S100A12: variants seen among roughly 807,000 people sequenced by gnomAD.
The protein encoded by S100A12 is protein S100-A12.
In S100A12, 3 loss-of-function variants were observed where a neutral mutation model predicts 4.0. The observed-to-expected ratio is 0.75, with a 90% CI of 0.34 to 1.94. The LOEUF (loss-of-function observed/expected upper bound fraction) is 1.94, where lower values mean the gene tolerates loss of function less well. S100A12 is among the 30% of genes most tolerant of loss of function. S100A12 has a pLI of 0.07. For synonymous variants in S100A12, 50 were observed against 41.4 expected, an observed-to-expected ratio of 1.21 and a Z score of -0.79; for missense variants, 122 against 107.0, an observed-to-expected ratio of 1.14 and a Z score of -0.62.
chr1:153,374,651 C>G, intron 1 of S100A12, 39 bp from the exon 2 acceptor site: 2 of 1,457,304 alleles, frequency 1.4e-6, no homozygotes, highest in Non-Finnish European at 1.9e-6. Flanking sequence ...CAGTTTCTCC[C>G]CCACCCCTCA....
intron 2 of S100A12, 150 bp downstream of exon 2, chr1:153,374,305 T>A: frequency 1.4e-6 from 1 of 702,084 alleles, no homozygotes; most frequent in Non-Finnish European, 2.4e-6. Context: ...GCAAAGGACC[T>A]CTCCCACAGC....
Position 153,373,823 on chromosome 1 carries a change from C to CTACCTA in S100A12, c.277_*3dup. 6.2e-7 allele frequency: 1 copy of CTACCTA among 1,613,206 alleles called. No homozygotes were observed. Among genetic ancestry groups the CTACCTA allele is most frequent in the South Asian group, 1.1e-5 (1 of 91,042 alleles). ...TGCTGGGTAAAAAGCCTTCAGAGAG[C>CTACCTA]TACCTACTCTTTGTGGGTGTGGTAA... is the stretch of plus-strand genomic sequence containing the variant. On this transcript the variant is annotated 3_prime_UTR_variant, in exon 3 of 3. Coordinates refer to ENST00000368737, the MANE Select transcript of S100A12 (RefSeq NM_005621.2).
intron 1 of S100A12, among the ~76,000 whole-genome samples, chr1:153,375,062 T>C (rs1052804358): frequency 2.6e-4 from 39 of 152,248 alleles, no homozygotes; most frequent in African/African-American, 9.4e-4. Flanking sequence ...TTTGTTTGTT[T>C]TTGAGACGGA....
At chr1:153,374,159 G>T in intron 2 of S100A12, 192 bp from the exon 3 acceptor site, 1 of 717,168 alleles carries the variant, frequency 1.4e-6, no homozygotes, top group Non-Finnish European at 2.5e-6. Flanking sequence ...AATTAACAAG[G>T]CTTGACCTGG....
In S100A12 at chr1:153,373,934, A is replaced by G. The variant is rs749150626; in HGVS notation, c.172T>C (p.Phe58Leu). ...IKDKAVIDEIFQGLDANQDEQ... is the reference protein window; with the variant it reads ...IKDKAVIDEILQGLDANQDEQ... ...TCTTGATTAGCATCCAGGCCTTGGA[A>G]TATTTCATCAATGACAGCTTTATCT... The change falls in exon 3 of 3, where the codon TTC (phenylalanine) becomes CTC (leucine). Residue 58 changes from phenylalanine (F) to leucine (L), a missense_variant. Physicochemically the swap from Phe to Leu is conservative, Grantham distance 22 (BLOSUM62 0). Transcript: ENST00000368737. The G allele has an allele frequency of 6.2e-7, 1 of 1,613,654 alleles. No individual in the cohort carries two copies. Among genetic ancestry groups the G allele is most frequent in the East Asian group, 2.2e-5 (1 of 44,886 alleles).
chr1:153,374,582 A>G lies in S100A12; in HGVS notation c.11T>C (p.Leu4Pro). MTKLEEHLEGIVNI... is the reference protein window; with the variant it reads MTKPEEHLEGIVNI... ...GACAATTCCCTCCAGATGCTCTTCA[A>G]GTTTTGTCATCTTCCCAGCCTAATG... The change falls in exon 2 of 3, where the codon CTT becomes CCT. Residue 4 changes from leucine (L) to proline (P), a missense_variant. Transcript: ENST00000368737. 1 of 1,613,772 alleles carries G rather than the reference A, an allele frequency of 6.2e-7. No homozygotes were observed. Among genetic ancestry groups the G allele is most frequent in the South Asian group, 1.1e-5 (1 of 91,054 alleles).
intron 2 of S100A12, 124 bp downstream of exon 2, chr1:153,374,331 C>T (rs1319824517): frequency 1.3e-5 from 12 of 896,724 alleles, no homozygotes; most frequent in Non-Finnish European, 1.9e-5. Context: ...GGAGAGCATC[C>T]TTTGGGAGCT....
rs1661717636 is a variant in S100A12 at position 153,375,589 on chromosome 1, C to G, written c.-58G>C. On this transcript the variant is annotated 5_prime_UTR_variant, in exon 1 of 3. Transcript: ENST00000368737. ...AGGAATGTGGAGCTACAGCAAAAAG[C>G]CAGCAGTGGTGAAGGGCACTGAGCC... The G allele has an allele frequency of 2.0e-5, 3 of 152,366 alleles. No homozygotes were observed. The South Asian group carries it at 6.2e-4, about 32-fold the overall frequency. 9.4% of individuals were successfully genotyped at this position (152,366 alleles called of 1,614,324 possible).
chr1:153,374,363 C>T, intron 2 of S100A12, 92 bp downstream of exon 2: 2 of 1,354,070 alleles, frequency 1.5e-6, no homozygotes, highest in Non-Finnish European at 2.0e-6. Flanking sequence ...CAACCCCACC[C>T]CAGTCCTTGT....
chr1:153,374,049 C>T lies in S100A12; in HGVS notation c.139-82G>A, dbSNP rs2233864. 3.6e-5 allele frequency: 50 copies of T among 1,377,426 alleles called. No homozygotes were observed. The East Asian group carries it at 1.1e-3, about 29-fold the overall frequency. 85.3% of individuals were successfully genotyped at this position (1,377,426 alleles called of 1,614,324 possible). ...CTTAGGCCTCTTATCCCTCAGAGCTCGGGTTGTGAAGGCCCAGGCACATTA... is the reference window on the plus strand; with the variant it reads ...CTTAGGCCTCTTATCCCTCAGAGCTTGGGTTGTGAAGGCCCAGGCACATTA... On this transcript the variant is annotated intron_variant, in intron 2 of 2. Coordinates refer to ENST00000368737, the MANE Select transcript of S100A12 (RefSeq NM_005621.2).
intron 2 of S100A12, 77 bp from the exon 3 acceptor site, chr1:153,374,044 G>C (rs757071184): frequency 1.4e-6 from 2 of 1,414,710 alleles, no homozygotes; most frequent in Non-Finnish European, 2.0e-6. Context: ...TTATCCCTCA[G>C]AGCTCGGGTT....
chr1:153,373,856 C>G lies in S100A12; in HGVS notation c.250G>C (p.Ala84Pro), dbSNP rs777435565. 2.5e-6 allele frequency: 4 copies of G among 1,613,892 alleles called. No homozygotes were observed. The highest frequency in any genetic ancestry group is 2.2e-5 in the East Asian group (1 of 44,888). ...TCTTTGTGGGTGTGGTAATGGGCAG[C>G]CTTCAGCGCAATGGCTACCAGGGAT... is the stretch of plus-strand genomic sequence containing the variant. Reference protein sequence around the residue: ...FISLVAIALKAAHYHTHKE With the variant: ...FISLVAIALKPAHYHTHKE Residue 84 changes from alanine (A) to proline (P), a missense_variant, in exon 3 of 3, where the codon GCT (alanine) becomes CCT (proline). Transcript: ENST00000368737.
intron 1 of S100A12, among the ~76,000 whole-genome samples, chr1:153,374,949 G>A (rs1661694871): frequency 6.6e-6 from 1 of 152,188 alleles, no homozygotes; most frequent in Non-Finnish European, 1.5e-5. Flanking sequence ...CTTTCCTCAG[G>A]TGATGGCACT....
At chr1:153,374,282 T>G (rs1412110943) in intron 2 of S100A12, among the ~76,000 whole-genome samples, 173 bp downstream of exon 2, 1 of 152,054 alleles carries the variant, frequency 6.6e-6, no homozygotes, top group Non-Finnish European at 1.5e-5. Context: ...AAGTGAGTTA[T>G]TGAGAGAGGG....
chr1:153,374,472 G>C lies in S100A12; in HGVS notation c.121C>G (p.Leu41Val). Residue 41 changes from leucine to valine, a missense_variant, in exon 2 of 3, where the codon CTT becomes GTT. Leu to Val is a conservative substitution (Grantham distance 32, BLOSUM62 1). Transcript: ENST00000368737. ...TCACCTACCTTGATGGTGTTTGCAA[G>C]CTCCTTTGTAAGCAGCTGCTTCAGC... The part of the protein sequence containing the change: ...GELKQLLTKE[L>V]ANTIKNIKDK... 6.2e-7 allele frequency: 1 copy of C among 1,613,840 alleles called. No individual in the cohort carries two copies. The highest frequency in any genetic ancestry group is 1.3e-5 in the African/African-American group (1 of 75,044).
At position 153,374,070 on chromosome 1, in the gene S100A12, C is replaced by T. The variant is rs1184749639; in HGVS notation, c.139-103G>A. On this transcript the variant is annotated intron_variant, in intron 2 of 2. Coordinates refer to ENST00000368737, the MANE Select transcript of S100A12 (RefSeq NM_005621.2). ...AGCTCGGGTTGTGAAGGCCCAGGCA[C>T]ATTAACTCATTAGCCAACACTGTGT... 4 of 1,018,274 alleles carry T rather than the reference C, an allele frequency of 3.9e-6. No individual in the cohort carries two copies. In the African/African-American group the frequency reaches 4.7e-5, roughly 12 times the overall value. 63.1% of individuals were successfully genotyped at this position (1,018,274 alleles called of 1,614,324 possible). A position where few individuals can be genotyped will look rare whatever the true frequency, so the allele number is the denominator to read the frequency against.
In S100A12 at chr1:153,374,610, A is replaced by C. The variant is rs1314631173; in HGVS notation, c.-18T>G. ...TTTGTCATCTTCCCAGCCTAATGTT[A>C]ACCTTCAAGGAAACAAGGGAAGTCT... On this transcript the variant is annotated splice_region_variant and 5_prime_UTR_variant, in exon 2 of 3. Coordinates refer to ENST00000368737, the MANE Select transcript of S100A12 (RefSeq NM_005621.2). The C allele has an allele frequency of 6.2e-7, 1 of 1,610,450 alleles. No individual in the cohort carries two copies. The highest frequency in any genetic ancestry group is 1.3e-5 in the African/African-American group (1 of 74,938).
intron 1 of S100A12, 100 bp downstream of exon 1, chr1:153,375,452 G>A (rs1661713547): frequency 6.6e-6 from 1 of 152,310 alleles, no homozygotes; most frequent in Non-Finnish European, 1.5e-5. Flanking sequence ...TCAGGCAAGT[G>A]GAGGGTTGTG....
chr1:153,374,034 T>G (rs1382453569), intron 2 of S100A12, 67 bp from the exon 3 acceptor site: 1 of 1,490,436 alleles, frequency 6.7e-7, no homozygotes, highest in Admixed American at 1.7e-5. Context: ...CTTAGGCCTC[T>G]TATCCCTCAG....
Sources: allele counts gnomAD v4.1 joint callset (sites outside exome capture counted in the v4.1 genomes callset), GRCh38; gene constraint gnomAD v4.1.1; transcripts MANE v1.5; gene names NCBI Gene and HGNC (gene_info 2026-07-23, HGNC 2026-07-21).